ZNF488: variants seen among roughly 807,000 people sequenced by gnomAD.
The protein encoded by ZNF488 is zinc finger protein 488.
In ZNF488, 1 loss-of-function variant was observed where a neutral mutation model predicts 1.2. That is an observed-to-expected ratio of 0.86 (90% confidence interval 0.30 to 4.07). The LOEUF is 4.07. Among genes scored for constraint, ZNF488 ranks in the 30% most tolerant of loss-of-function variants. The probability of loss-of-function intolerance (pLI) is 0.18; values close to 1 mark genes in which losing one functional copy is unlikely to be tolerated. For missense variants in ZNF488, 450 were observed against 437.9 expected (o/e 1.03, Z -0.25); for synonymous variants, 185 against 190.1 (o/e 0.97, Z 0.22).
chr10:47,376,982 C>G (rs538563880), intron 1 of ZNF488, among the ~76,000 whole-genome samples: 5 of 152,324 alleles, frequency 3.3e-5, no homozygotes, highest in Non-Finnish European at 7.4e-5. Flanking sequence ...GCCATGCTGA[C>G]TCGGGTTGCA....
chr10:47,372,266 G>A (rs1347411244), intron 1 of ZNF488, among the ~76,000 whole-genome samples: 1 of 152,196 alleles, frequency 6.6e-6, no homozygotes, highest in African/African-American at 2.4e-5. Context: ...TGGAGGCCCA[G>A]AGAAAACTTC....
intron 1 of ZNF488, among the ~76,000 whole-genome samples, chr10:47,381,277 T>C (rs145941998): frequency 5.0e-3 from 699 of 139,160 alleles, no homozygotes; most frequent in African/African-American, 0.018. Flanking sequence ...TCTGCTTTTC[T>C]CTTCAGTTAA....
In ZNF488 at chr10:47,368,864, C is replaced by T. The variant is rs782699523; in HGVS notation, c.-35G>A. ...TTTGGGGGTTTGGGGTTCTGGAGGGCTTGGCCCAGCAAGGAGCCATGAGAT... is the reference window on the plus strand; with the variant it reads ...TTTGGGGGTTTGGGGTTCTGGAGGGTTTGGCCCAGCAAGGAGCCATGAGAT... On this transcript the variant is annotated 5_prime_UTR_variant, in exon 2 of 2. Coordinates refer to ENST00000585316, the MANE Select transcript of ZNF488 (RefSeq NM_153034.4). 2.1e-5 allele frequency: 32 copies of T among 1,543,426 alleles called. No individual in the cohort carries two copies. In the Middle Eastern group the frequency reaches 1.1e-3, roughly 54 times the overall value.
Position 47,365,619 on chromosome 10 carries a change from A to G in ZNF488, c.*2188T>C, listed in dbSNP as rs1278584392. The G allele has an allele frequency of 3.6e-5, 6 of 167,200 alleles. No homozygotes were observed. Among genetic ancestry groups the G allele is most frequent in the Non-Finnish European group, 8.8e-5 (6 of 68,194 alleles). 10.4% of individuals were successfully genotyped at this position (167,200 alleles called of 1,614,324 possible). A position where few individuals can be genotyped will look rare whatever the true frequency, so the allele number is the denominator to read the frequency against. On this transcript the variant is annotated 3_prime_UTR_variant, in exon 2 of 2. Transcript: ENST00000585316. ...CTGACAGTGTGGAGGCAGCAAATCAACAAGACGACAAACAGAAAGATGGTT... is the reference window on the plus strand; with the variant it reads ...CTGACAGTGTGGAGGCAGCAAATCAGCAAGACGACAAACAGAAAGATGGTT...
In ZNF488 at chr10:47,366,052, A is replaced by G. The variant is rs1209134643; in HGVS notation, c.*1755T>C. ...CAATTGACTCATTGTAGAAATGGAA[A>G]GGAAACAGCTCTTGCCTTCCAGGGC... On this transcript the variant is annotated 3_prime_UTR_variant, in exon 2 of 2. Transcript: ENST00000585316. The G allele has an allele frequency of 4.8e-5, 8 of 167,032 alleles. No homozygotes were observed. Among genetic ancestry groups the G allele is most frequent in the Non-Finnish European group, 1.0e-4 (7 of 68,142 alleles). 10.3% of individuals were successfully genotyped at this position (167,032 alleles called of 1,614,324 possible).
At chr10:47,377,866 T>C (rs369684923) in intron 1 of ZNF488, among the ~76,000 whole-genome samples, 9 of 152,350 alleles carry the variant, frequency 5.9e-5, no homozygotes, top group African/African-American at 2.2e-4. Context: ...AGGGCAGTTT[T>C]CCTTCCTTGC....
chr10:47,373,264 A>G (rs1386740164), intron 1 of ZNF488, among the ~76,000 whole-genome samples: 2 of 152,224 alleles, frequency 1.3e-5, no homozygotes, highest in African/African-American at 4.8e-5. Flanking sequence ...AAATCAAAAT[A>G]GTAATTACAA....
In ZNF488 at chr10:47,368,181, A is replaced by T; in HGVS notation, c.649T>A (p.Leu217Met). Residue 217 changes from leucine (L) to methionine (M), a missense_variant, in exon 2 of 2, where the codon TTG (leucine) becomes ATG (methionine). Physicochemically the swap from Leu to Met is conservative, Grantham distance 15 (BLOSUM62 2). Transcript: ENST00000585316. ...LSTPKLLVGD[L>M]WNLQALPQNA... ...TGTGGCAATGCTTGCAAGTTCCACA[A>T]ATCACCAACCAAAAGCTTGGGAGTT... The T allele has an allele frequency of 1.2e-6, 2 of 1,614,172 alleles. No homozygotes were observed. Among genetic ancestry groups the T allele is most frequent in the Non-Finnish European group, 1.7e-6 (2 of 1,180,036 alleles).
In ZNF488 at chr10:47,365,923, C is replaced by T. The variant is rs1837200681; in HGVS notation, c.*1884G>A. 6.0e-6 allele frequency: 1 copy of T among 167,142 alleles called. No homozygotes were observed. Among genetic ancestry groups the T allele is most frequent in the Non-Finnish European group, 1.5e-5 (1 of 68,156 alleles). 10.4% of individuals were successfully genotyped at this position (167,142 alleles called of 1,614,324 possible). On this transcript the variant is annotated 3_prime_UTR_variant, in exon 2 of 2. Transcript: ENST00000585316. ...GTGGTATAGCGGGGTCCCCTCTGCC[C>T]ACTGCCACCTGTGGGCCTCATAAGG...
At chr10:47,370,619 G>A (rs782412644) in intron 1 of ZNF488, among the ~76,000 whole-genome samples, 1 of 152,196 alleles carries the variant, frequency 6.6e-6, no homozygotes, top group African/African-American at 2.4e-5. Flanking sequence ...AGGGAAATGA[G>A]GCATGGTTTA....
At chr10:47,375,692 G>A (rs1398393556) in intron 1 of ZNF488, among the ~76,000 whole-genome samples, 1 of 152,160 alleles carries the variant, frequency 6.6e-6, no homozygotes, top group Non-Finnish European at 1.5e-5. Context: ...TATGTTCATT[G>A]TTCCACTTTC....
intron 1 of ZNF488, among the ~76,000 whole-genome samples, chr10:47,379,315 C>T (rs1453499430): frequency 6.6e-6 from 1 of 152,224 alleles, no homozygotes; most frequent in African/African-American, 2.4e-5. Context: ...AAATGCCATC[C>T]CGATAAACTC....
intron 1 of ZNF488, among the ~76,000 whole-genome samples, chr10:47,370,480 T>C (rs1364365610): frequency 2.0e-5 from 3 of 152,064 alleles, no homozygotes; most frequent in African/African-American, 7.2e-5. Context: ...GTGCCAAGAG[T>C]CACCTTAAGG....
intron 1 of ZNF488, among the ~76,000 whole-genome samples, chr10:47,378,520 A>G (rs1837783255): frequency 6.6e-6 from 1 of 152,188 alleles, no homozygotes; most frequent in Non-Finnish European, 1.5e-5. Flanking sequence ...GGAGTGGATG[A>G]GAGCCTCCAT....
At chr10:47,373,004 C>T (rs1308699611) in intron 1 of ZNF488, among the ~76,000 whole-genome samples, 1 of 152,176 alleles carries the variant, frequency 6.6e-6, no homozygotes, top group Non-Finnish European at 1.5e-5. Context: ...GGAAGCCACA[C>T]CTATGGCAGA....
chr10:47,378,707 A>G (rs1837790728), intron 1 of ZNF488, among the ~76,000 whole-genome samples: 2 of 152,260 alleles, frequency 1.3e-5, no homozygotes, highest in Non-Finnish European at 2.9e-5. Flanking sequence ...TCAGAGAGAA[A>G]GCAAGAAAAG....
rs1837276878 is a variant in ZNF488 at position 47,367,907 on chromosome 10, T to C, written c.923A>G (p.His308Arg). Residue 308 changes from histidine (H) to arginine (R), a missense_variant, in exon 2 of 2, where the codon CAT (histidine) becomes CGT (arginine). His to Arg is a conservative substitution (Grantham distance 29, BLOSUM62 0). Coordinates refer to ENST00000585316, the MANE Select transcript of ZNF488 (RefSeq NM_153034.4). ...GGCCTCTTCTCTCCGCTTCTGAGAATGTGGGTCAGGCCCCGCATGCTCCTT... is the reference window on the plus strand; with the variant it reads ...GGCCTCTTCTCTCCGCTTCTGAGAACGTGGGTCAGGCCCCGCATGCTCCTT... ...HKKEHAGPDPHSQKRREEALA... is the reference protein window; with the variant it reads ...HKKEHAGPDPRSQKRREEALA... The C allele has an allele frequency of 2.5e-6, 4 of 1,614,016 alleles. No homozygotes were observed. The highest frequency in any genetic ancestry group is 2.7e-5 in the African/African-American group (2 of 74,932).
chr10:47,366,806 T>C lies in ZNF488; in HGVS notation c.*1001A>G, dbSNP rs1417752702. The C allele has an allele frequency of 6.0e-6, 1 of 167,060 alleles. No homozygotes were observed. The highest frequency in any genetic ancestry group is 1.5e-5 in the Non-Finnish European group (1 of 68,108). 10.3% of individuals were successfully genotyped at this position (167,060 alleles called of 1,614,324 possible). A position where few individuals can be genotyped will look rare whatever the true frequency, so the allele number is the denominator to read the frequency against. ...CCTATTCTTGGAAGGTAAAACAGCA[T>C]GTGTGTAGGTGGTGGGGAGGGGGTT... is the stretch of plus-strand genomic sequence containing the variant. On this transcript the variant is annotated 3_prime_UTR_variant, in exon 2 of 2. Coordinates refer to ENST00000585316, the MANE Select transcript of ZNF488 (RefSeq NM_153034.4).
intron 1 of ZNF488, among the ~76,000 whole-genome samples, chr10:47,382,714 G>A (rs1588893113): frequency 6.6e-6 from 1 of 152,096 alleles, no homozygotes; most frequent in Non-Finnish European, 1.5e-5. Flanking sequence ...TTCTTTCACT[G>A]AACACACTGC....
Sources: gnomAD v4.1 joint callset for allele counts (sites outside exome capture counted in the v4.1 genomes callset) on GRCh38, gnomAD v4.1.1 for gene constraint, MANE v1.5 for transcripts, NCBI Gene and HGNC (gene_info 2026-07-23, HGNC 2026-07-21) for gene names.